Variants in CTNNA3 observed in about 807,000 individuals in gnomAD.
CTNNA3 encodes the protein catenin alpha 3.
CTNNA3 carries 76 observed loss-of-function variants against 95.7 expected under a neutral mutation model. The ratio of observed to expected loss-of-function variants is 0.79; its 90% CI spans 0.66 to 0.96. The LOEUF (loss-of-function observed/expected upper bound fraction) is 0.96, where lower values mean the gene tolerates loss of function less well. CTNNA3 is among the 40% of genes least tolerant of loss of function. The probability of loss-of-function intolerance (pLI) is 0.00; values close to 1 mark genes in which losing one functional copy is unlikely to be tolerated. For missense variants in CTNNA3, 1,191 were observed against 1,089.8 expected (o/e 1.09, Z -1.31); for synonymous variants, 431 against 374.4 (o/e 1.15, Z -1.74).
intron 13 of CTNNA3, among the ~76,000 whole-genome samples, chr10:66,144,975 T>C (rs1297849825): frequency 1.3e-5 from 2 of 151,288 alleles, no homozygotes; most frequent in Non-Finnish European, 2.9e-5. Context: ...GAAAATGTAA[T>C]GAAATGCATA....
chr10:66,534,146 T>G (rs1841566728), intron 10 of CTNNA3, among the ~76,000 whole-genome samples: 1 of 152,130 alleles, frequency 6.6e-6, no homozygotes, highest in African/African-American at 2.4e-5. Flanking sequence ...AAAGTGTGAT[T>G]TCCCCCATGG....
intron 1 of CTNNA3, among the ~76,000 whole-genome samples, chr10:67,705,927 C>T (rs533606114): frequency 9.9e-5 from 15 of 152,118 alleles, no homozygotes; most frequent in South Asian, 2.1e-4. Context: ...AAGAAGGAGA[C>T]TTTTTATTCC....
chr10:66,210,434 C>T (rs920068418), intron 13 of CTNNA3, among the ~76,000 whole-genome samples: 7 of 151,758 alleles, frequency 4.6e-5, no homozygotes, highest in African/African-American at 1.7e-4. Flanking sequence ...TTAATCCTGA[C>T]AGGAAAATTA....
chr10:67,332,667 GC>G (rs1410284847), intron 5 of CTNNA3, among the ~76,000 whole-genome samples: 28 of 64,328 alleles, frequency 4.4e-4, no homozygotes, highest in African/African-American at 7.6e-4. Flanking sequence ...TATCCTGTTA[GC>G]CTATATCTAT....
chr10:67,119,334 T>C (rs1409122025), intron 7 of CTNNA3, among the ~76,000 whole-genome samples: 1 of 151,882 alleles, frequency 6.6e-6, no homozygotes, highest in East Asian at 1.9e-4. Flanking sequence ...AAAAGGAAAC[T>C]CAGACGTTAA....
chr10:66,115,506 TATAG>T (rs917983363), intron 13 of CTNNA3, among the ~76,000 whole-genome samples: 38 of 149,132 alleles, frequency 2.5e-4, no homozygotes, highest in Non-Finnish European at 3.8e-4. Flanking sequence ...CAATGGGGAA[TATAG>T]ATAGATAGAT....
At chr10:66,394,339 G>T (rs2092957289) in intron 11 of CTNNA3, among the ~76,000 whole-genome samples, 1 of 151,820 alleles carries the variant, frequency 6.6e-6, no homozygotes, top group Non-Finnish European at 1.5e-5. Flanking sequence ...TCTGGTGTAG[G>T]AGCTAAAGTC....
intron 5 of CTNNA3, among the ~76,000 whole-genome samples, chr10:67,364,061 A>G (rs1157432808): frequency 6.6e-6 from 1 of 152,246 alleles, no homozygotes; most frequent in Non-Finnish European, 1.5e-5. Flanking sequence ...ATGAACATCA[A>G]TGCAAAAGTC....
intron 9 of CTNNA3, among the ~76,000 whole-genome samples, chr10:66,672,674 T>A (rs184608621): frequency 8.2e-4 from 125 of 152,220 alleles, no homozygotes; most frequent in African/African-American, 2.7e-3. Context: ...GTAAATTACC[T>A]CTTTACTTCC....
chr10:67,495,125 T>A (rs1002801510), intron 5 of CTNNA3, among the ~76,000 whole-genome samples: 4 of 152,100 alleles, frequency 2.6e-5, no homozygotes, highest in Non-Finnish European at 5.9e-5. Flanking sequence ...ATGGCAGAAG[T>A]GGAATACAAA....
chr10:66,738,381 T>C (rs1455152803), intron 9 of CTNNA3, among the ~76,000 whole-genome samples: 1 of 152,238 alleles, frequency 6.6e-6, no homozygotes, highest in East Asian at 1.9e-4. Flanking sequence ...ATGTATTCTT[T>C]CTAATTTTCC....
intron 5 of CTNNA3, among the ~76,000 whole-genome samples, chr10:67,302,983 A>G (rs1840386306): frequency 1.3e-5 from 2 of 152,246 alleles, no homozygotes; most frequent in African/African-American, 4.8e-5. Flanking sequence ...ATCACCTGGG[A>G]ACCTGTCAGA....
At chr10:67,247,565 A>T (rs1359243176) in intron 5 of CTNNA3, among the ~76,000 whole-genome samples, 1 of 152,192 alleles carries the variant, frequency 6.6e-6, no homozygotes, top group Non-Finnish European at 1.5e-5. Context: ...TATTTTTATG[A>T]TGACATTATT....
At chr10:67,382,003 C>A (rs1182584863) in intron 5 of CTNNA3, among the ~76,000 whole-genome samples, 5 of 152,136 alleles carry the variant, frequency 3.3e-5, no homozygotes, top group Admixed American at 3.3e-4. Flanking sequence ...TTTACTTAAA[C>A]CATGTTCAAT....
chr10:67,009,402 A>C (rs1313374447), intron 7 of CTNNA3, among the ~76,000 whole-genome samples: 1 of 151,864 alleles, frequency 6.6e-6, no homozygotes, highest in Non-Finnish European at 1.5e-5. Context: ...TATTGCTTCT[A>C]ATATTTTTGT....
At chr10:67,137,234 C>T (rs571849044) in intron 7 of CTNNA3, among the ~76,000 whole-genome samples, 18 of 152,124 alleles carry the variant, frequency 1.2e-4, no homozygotes, top group Admixed American at 5.9e-4. Context: ...AGTATGTTAG[C>T]TATTGTAATA....
intron 7 of CTNNA3, among the ~76,000 whole-genome samples, chr10:66,929,157 C>T (rs1189556878): frequency 6.6e-6 from 1 of 152,192 alleles, no homozygotes; most frequent in Non-Finnish European, 1.5e-5. Context: ...TCGACTCAGC[C>T]TTGTCTCTGA....
intron 10 of CTNNA3, among the ~76,000 whole-genome samples, chr10:66,620,915 A>T (rs762979955): frequency 1.3e-5 from 2 of 152,060 alleles, no homozygotes; most frequent in Non-Finnish European, 2.9e-5. Flanking sequence ...TCCTTATAAC[A>T]TTTGTGGTCT....
intron 6 of CTNNA3, among the ~76,000 whole-genome samples, chr10:67,192,246 A>T (rs891396330): frequency 6.6e-6 from 1 of 151,910 alleles, no homozygotes; most frequent in Non-Finnish European, 1.5e-5. Flanking sequence ...CTACTTATAA[A>T]AATCTTCTTC....
Sources: gnomAD v4.1 joint callset for allele counts (sites outside exome capture counted in the v4.1 genomes callset) on GRCh38, gnomAD v4.1.1 for gene constraint, MANE v1.5 for transcripts, NCBI Gene and HGNC (gene_info 2026-07-23, HGNC 2026-07-21) for gene names.